FBXO30: variants seen among roughly 807,000 people sequenced by gnomAD.
FBXO30 encodes F-box only protein 30.
FBXO30 carries 21 observed loss-of-function variants against 58.1 expected under a neutral mutation model. The observed-to-expected ratio is 0.36, with a 90% CI of 0.26 to 0.52. FBXO30 has a LOEUF of 0.52. FBXO30 is among the 20% of genes least tolerant of loss of function. The pLI, the probability that FBXO30 is intolerant of heterozygous loss-of-function variation, is 0.93. For missense variants in FBXO30, 744 were observed against 897.3 expected, an observed-to-expected ratio of 0.83 and a Z score of 2.18; for synonymous variants, 309 against 312.4, an observed-to-expected ratio of 0.99 and a Z score of 0.11.
chr6:145,804,760 C>T lies in FBXO30; in HGVS notation c.1646G>A (p.Gly549Asp). 1.2e-6 allele frequency: 2 copies of T among 1,613,938 alleles called. No individual in the cohort carries two copies. Among genetic ancestry groups the T allele is most frequent in the Non-Finnish European group, 1.7e-6 (2 of 1,179,892 alleles). Residue 549 changes from glycine to aspartate, a missense_variant, in exon 2 of 3, where the codon GGC becomes GAC. Transcript: ENST00000237281. Reference sequence around the variant, plus strand: ...TAAAGGGCACCTCTGTTCCATCCAGCCATTGAGTCCAGCATGAATGTCACC... The same window carrying T: ...TAAAGGGCACCTCTGTTCCATCCAGTCATTGAGTCCAGCATGAATGTCACC... Reference protein sequence around the residue: ...VHGDIHAGLNGWMEQRCPLAY... With the variant: ...VHGDIHAGLNDWMEQRCPLAY...
chr6:145,811,581 T>C (rs758036021), intron 1 of FBXO30, among the ~76,000 whole-genome samples: 32 of 152,164 alleles, frequency 2.1e-4, no homozygotes, highest in Non-Finnish European at 8.8e-5. Context: ...ATAATGAATA[T>C]AGAAGCACTG....
rs1778449141 is a variant in FBXO30 at position 145,814,625 on chromosome 6, GCCC to G, written c.-42_-40del. On this transcript the variant is annotated 5_prime_UTR_variant, in exon 1 of 3. Transcript: ENST00000237281. ...CACCGGCCGGCGCGGCCGAACCGCG[GCCC>G]AGGCCCTAGCTGCCCTGGACGCCGT... 1 of 152,080 alleles carries G rather than the reference GCCC, an allele frequency of 6.6e-6. No individual in the cohort carries two copies. The highest frequency in any genetic ancestry group is 1.5e-5 in the Non-Finnish European group (1 of 68,116). The allele number at this position is 152,080 out of a possible 1,614,324, so 9.4% of individuals were successfully genotyped here.
chr6:145,798,600 T>G lies in FBXO30; in HGVS notation c.*1506A>C, dbSNP rs754871975. 4 of 152,458 alleles carry G rather than the reference T, an allele frequency of 2.6e-5. No individual in the cohort carries two copies. Among genetic ancestry groups the G allele is most frequent in the Non-Finnish European group, 5.9e-5 (4 of 67,936 alleles). 9.4% of individuals were successfully genotyped at this position (152,458 alleles called of 1,614,324 possible). A position where few individuals can be genotyped will look rare whatever the true frequency, so the allele number is the denominator to read the frequency against. On this transcript the variant is annotated 3_prime_UTR_variant, in exon 3 of 3. Transcript: ENST00000237281. Reference sequence around the variant, plus strand: ...CACTGAGAAATAAGTATTCTACTATTTAAAATGACTGGTGAGGCAAAACAA... The same window carrying G: ...CACTGAGAAATAAGTATTCTACTATGTAAAATGACTGGTGAGGCAAAACAA...
rs1778109805 is a variant in FBXO30, at chr6:145,804,707, G to A, written c.1699C>T (p.Arg567Cys). Residue 567 changes from arginine to cysteine, a missense_variant, in exon 2 of 3, where the codon CGT (arginine) becomes TGT (cysteine). Physicochemically the swap from Arg to Cys is radical, Grantham distance 180. Around this residue, in one of 3 missense-constraint regions of FBXO30, gnomAD observed 334 missense variants for 433.7 expected, o/e 0.77. Coordinates refer to ENST00000237281, the MANE Select transcript of FBXO30 (RefSeq NM_032145.5). ...CCTTGTATTGATGGACAAAATCTAC[G>A]CTGAGAATAGGTACAACCATAGTAA... The part of the protein sequence containing the change: ...LAYYGCTYSQ[R>C]RFCPSIQGAK... 6.8e-6 allele frequency: 11 copies of A among 1,613,762 alleles called. No homozygotes were observed. Among genetic ancestry groups the A allele is most frequent in the African/African-American group, 2.7e-5 (2 of 74,882 alleles).
At chr6:145,804,225 T>C (rs887384310) in intron 2 of FBXO30, 147 bp downstream of exon 2, 2 of 665,280 alleles carry the variant, frequency 3.0e-6, no homozygotes, top group Non-Finnish European at 5.0e-6. Flanking sequence ...CATTATTAAT[T>C]ACCATTAAGA....
intron 1 of FBXO30, among the ~76,000 whole-genome samples, chr6:145,813,202 C>A (rs1171566868): frequency 6.6e-6 from 1 of 151,696 alleles, no homozygotes; most frequent in Non-Finnish European, 1.5e-5. Flanking sequence ...AATGCTAGAC[C>A]GGGAGAAATA....
rs2128663125 is a variant in FBXO30, at chr6:145,794,690, G to A, written c.*5416C>T. ...CAGACACAGTGCCCATTATTTCCATGGTTTGATTTATTTCAATCAAATAAC... is the reference window on the plus strand; with the variant it reads ...CAGACACAGTGCCCATTATTTCCATAGTTTGATTTATTTCAATCAAATAAC... On this transcript the variant is annotated 3_prime_UTR_variant, in exon 3 of 3. Coordinates refer to ENST00000237281, the MANE Select transcript of FBXO30 (RefSeq NM_032145.5). The A allele has an allele frequency of 6.6e-6, 1 of 151,864 alleles. No homozygotes were observed. Among genetic ancestry groups the A allele is most frequent in the Non-Finnish European group, 1.5e-5 (1 of 67,766 alleles). The allele number at this position is 151,864 out of a possible 1,614,324, so 9.4% of individuals were successfully genotyped here. A position where few individuals can be genotyped will look rare whatever the true frequency, so the allele number is the denominator to read the frequency against.
chr6:145,808,680 T>C (rs370328177), intron 1 of FBXO30, among the ~76,000 whole-genome samples: 2 of 151,904 alleles, frequency 1.3e-5, no homozygotes, highest in East Asian at 1.9e-4. Flanking sequence ...GGATTACTTA[T>C]GATATATTTC....
At chr6:145,808,082 T>A (rs765557645) in intron 1 of FBXO30, among the ~76,000 whole-genome samples, 6 of 152,096 alleles carry the variant, frequency 3.9e-5, no homozygotes, top group Admixed American at 6.6e-5. Flanking sequence ...CAGTAAGCCA[T>A]GACTGTGCAC....
At chr6:145,801,624 AAAC>A (rs1778002203) in intron 2 of FBXO30, among the ~76,000 whole-genome samples, 1 of 152,048 alleles carries the variant, frequency 6.6e-6, no homozygotes, top group Admixed American at 6.6e-5. Flanking sequence ...AGATGTGGGA[AAAC>A]AATTATTTGT....
Position 145,804,867 on chromosome 6 carries a change from G to A in FBXO30, c.1539C>T (p.Pro513=), listed in dbSNP as rs138300719. ...CAAAGGTAAACATTGAACGCTGCTT[G>A]GGTTGGTACCTAGCGACACATTCCA... ...LVLECVARYQ[P]KQRSMFTFVC... is the part of the protein sequence containing the mutation. Residue 513 remains proline (P), a synonymous_variant, in exon 2 of 3, where the codon CCC becomes CCT. Coordinates refer to ENST00000237281, the MANE Select transcript of FBXO30 (RefSeq NM_032145.5). 1 of 1,613,724 alleles carries A rather than the reference G, an allele frequency of 6.2e-7. No individual in the cohort carries two copies. The highest frequency in any genetic ancestry group is 8.5e-7 in the Non-Finnish European group (1 of 1,179,910).
chr6:145,806,205 ACATC>A lies in FBXO30; in HGVS notation c.197_200del (p.Gly66ValfsTer14). The A allele has an allele frequency of 6.2e-7, 1 of 1,614,154 alleles. No homozygotes were observed. On this transcript the variant is annotated frameshift_variant, in exon 2 of 3. Coordinates refer to ENST00000237281, the MANE Select transcript of FBXO30 (RefSeq NM_032145.5). LOFTEE classifies it high-confidence loss of function. ...CTTTATTTCGGGCCATGGTAAATGG[ACATC>A]CAAAGTCACTATTTAAGCAAGGCAC...
chr6:145,808,946 G>C (rs1778258508), intron 1 of FBXO30, among the ~76,000 whole-genome samples: 2 of 152,088 alleles, frequency 1.3e-5, no homozygotes, highest in South Asian at 4.1e-4. Context: ...AATAACAAAA[G>C]TGTACCTGAA....
Position 145,806,095 on chromosome 6 carries a change from C to T in FBXO30, c.311G>A (p.Arg104Gln), listed in dbSNP as rs139321278. 11 of 1,614,040 alleles carry T rather than the reference C, an allele frequency of 6.8e-6. No individual in the cohort carries two copies. The highest frequency in any genetic ancestry group is 2.2e-5 in the East Asian group (1 of 44,874). ...TCTGCTTAGATTTTCATATGATTTC[C>T]GGTCTGCATAACTAACTGGCCATCG... The part of the protein sequence containing the change: ...WNRWPVSYAD[R>Q]KSYENLSRDV... Residue 104 changes from arginine to glutamine, a missense_variant, in exon 2 of 3, where the codon CGG (arginine) becomes CAG (glutamine). Physicochemically the swap from Arg to Gln is conservative, Grantham distance 43. Coordinates refer to ENST00000237281, the MANE Select transcript of FBXO30 (RefSeq NM_032145.5).
chr6:145,806,981 C>A (rs1363340275), intron 1 of FBXO30, among the ~76,000 whole-genome samples: 1 of 152,098 alleles, frequency 6.6e-6, no homozygotes, highest in African/African-American at 2.4e-5. Flanking sequence ...TTAATAAATT[C>A]TGCCACAAAT....
rs1217533766 is a variant in FBXO30 at position 145,805,988 on chromosome 6, T to C, written c.418A>G (p.Thr140Ala). 2.5e-6 allele frequency: 4 copies of C among 1,614,098 alleles called. No individual in the cohort carries two copies. Among genetic ancestry groups the C allele is most frequent in the Non-Finnish European group, 3.4e-6 (4 of 1,179,992 alleles). Reference protein sequence around the residue: ...RMLLESLKVATMMSKATDKVS... With the variant: ...RMLLESLKVAAMMSKATDKVS... ...TTATCAGTTGCTTTTGACATCATGG[T>C]GGCTACTTTGAGGGATTCTAAGAGC... Residue 140 changes from threonine (T) to alanine (A), a missense_variant, in exon 2 of 3, where the codon ACC becomes GCC. By Grantham distance (58) the Thr-to-Ala change is moderately conservative. Coordinates refer to ENST00000237281, the MANE Select transcript of FBXO30 (RefSeq NM_032145.5).
Position 145,800,275 on chromosome 6 carries a change from T to G in FBXO30, c.2069A>C (p.Asn690Thr). The change falls in exon 3 of 3, where the codon AAT (asparagine) becomes ACT (threonine). Residue 690 changes from asparagine (N) to threonine (T), a missense_variant. By Grantham distance (65) the Asn-to-Thr change is moderately conservative (BLOSUM62 0). This residue lies in a region of FBXO30 where 334 missense variants were observed against 433.7 expected (regional missense o/e 0.77). Transcript: ENST00000237281. ...TAGGATGTCAGCAAATTTCCATTCA[T>G]TAACAGAACAAAATGCAGTACTAAA... The part of the protein sequence containing the change: ...WRFSTAFCSV[N>T]EWKFADILSM... 1.2e-6 allele frequency: 2 copies of G among 1,612,822 alleles called. No individual in the cohort carries two copies. Among genetic ancestry groups the G allele is most frequent in the Non-Finnish European group, 1.7e-6 (2 of 1,179,216 alleles).
At chr6:145,807,279 T>C (rs1470984389) in intron 1 of FBXO30, among the ~76,000 whole-genome samples, 2 of 152,134 alleles carry the variant, frequency 1.3e-5, no homozygotes, top group African/African-American at 4.8e-5. Flanking sequence ...ATGGTACCAA[T>C]AGAGAAGATA....
At chr6:145,807,157 G>T (rs1778197554) in intron 1 of FBXO30, among the ~76,000 whole-genome samples, 1 of 152,142 alleles carries the variant, frequency 6.6e-6, no homozygotes, top group South Asian at 2.1e-4. Flanking sequence ...GTTTGGTGTG[G>T]CAATATAAAG....
Sources: allele counts gnomAD v4.1 joint callset (sites outside exome capture counted in the v4.1 genomes callset), GRCh38; gene constraint gnomAD v4.1.1; regional missense constraint gnomAD v4.1.1; transcripts MANE v1.5; gene names NCBI Gene and HGNC (gene_info 2026-07-23, HGNC 2026-07-21).